The following BABAM2 variants were observed in gnomAD, a reference collection of about 807,000 sequenced individuals.
BABAM2 encodes BRISC and BRCA1 A complex member 2.
A neutral mutation model predicts 54.7 loss-of-function variants in BABAM2; 31 were observed. That is an observed-to-expected ratio of 0.57 (90% confidence interval 0.43 to 0.77). The LOEUF is 0.77. Ranked by LOEUF, BABAM2 falls within the 30% of genes least tolerant of loss-of-function variation. The pLI is 0.00. For synonymous variants in BABAM2, 167 were observed against 162.9 expected (o/e 1.03, Z -0.19); for missense variants, 364 against 455.8 (o/e 0.80, Z 1.83).
chr2:27,889,320 T>C (rs1664647356), upstream of BABAM2, among the ~76,000 whole-genome samples: 1 of 152,334 alleles, frequency 6.6e-6, no homozygotes, highest in South Asian at 2.1e-4. Context: ...TATTACCCTT[T>C]GGAAAAGCAA....
intron 7 of BABAM2, among the ~76,000 whole-genome samples, chr2:28,210,758 G>C (rs1679372543): frequency 1.3e-5 from 2 of 152,192 alleles, no homozygotes; most frequent in Non-Finnish European, 2.9e-5. Context: ...CAGTAGCAAA[G>C]CTGTCATGAA....
At chr2:28,040,425 A>C (rs1333773065) in intron 5 of BABAM2, among the ~76,000 whole-genome samples, 8 of 147,338 alleles carry the variant, frequency 5.4e-5, no homozygotes, top group South Asian at 2.2e-4. Flanking sequence ...CTCAGCCTCC[A>C]GAGTAGCTGG....
intron 7 of BABAM2, among the ~76,000 whole-genome samples, chr2:28,133,213 A>T (rs1379986198): frequency 6.6e-6 from 1 of 152,264 alleles, no homozygotes. Flanking sequence ...AGAGCATAGA[A>T]CAGACATGCC....
Position 27,973,306 on chromosome 2 carries a change from C to G in BABAM2, c.206-14687C>G, listed in dbSNP as rs78715266. ...TTGTTTATCTTTTCTTTCCATATCT[C>G]CTGGTTTGGATCCTAGGACATCCTG... On this transcript the variant is annotated intron_variant, in intron 3 of 11. Transcript: ENST00000379624. Among the ~76,000 whole-genome samples, 149 of 152,128 alleles carry G rather than the reference C, an allele frequency of 9.8e-4. 3 individuals carry two copies. The East Asian group carries it at 0.023, about 23-fold the overall frequency.
chr2:28,024,665 G>A (rs1675521839), intron 4 of BABAM2, among the ~76,000 whole-genome samples: 1 of 152,060 alleles, frequency 6.6e-6, no homozygotes, highest in African/African-American at 2.4e-5. Flanking sequence ...ATTCAGATTT[G>A]CGCATTTGGC....
intron 7 of BABAM2, among the ~76,000 whole-genome samples, chr2:28,183,982 T>C (rs1361407921): frequency 2.0e-5 from 3 of 152,198 alleles, no homozygotes; most frequent in African/African-American, 4.8e-5. Flanking sequence ...TTCTTCATGC[T>C]TGTATTCACA....
intron 10 of BABAM2, among the ~76,000 whole-genome samples, chr2:28,258,605 T>TTTTTC (rs796967728): frequency 9.7e-5 from 11 of 113,044 alleles, no homozygotes; most frequent in African/African-American, 2.0e-4. Flanking sequence ...GTCTTTTTCT[T>TTTTTC]TTTTCTTTTC....
intron 3 of BABAM2, among the ~76,000 whole-genome samples, chr2:27,957,908 C>A (rs935281648): frequency 6.6e-6 from 1 of 152,184 alleles, no homozygotes; most frequent in Non-Finnish European, 1.5e-5. Context: ...TGCACCACTG[C>A]ATAAGAAGTC....
At chr2:28,203,061 A>C (rs1678453341) in intron 7 of BABAM2, among the ~76,000 whole-genome samples, 1 of 152,120 alleles carries the variant, frequency 6.6e-6, no homozygotes, top group Non-Finnish European at 1.5e-5. Flanking sequence ...GACGTACTGG[A>C]ATTAAGAAAG....
rs1334510509 is a variant in BABAM2, at chr2:27,909,712, A to G, written c.128+15028A>G. ...TGAGCCAGACCTTTGTATCACTAGT[A>G]TCTCCTTCTGTGGCAAAGGACACCC... On this transcript the variant is annotated intron_variant, in intron 2 of 11. Coordinates refer to ENST00000379624, the MANE Select transcript of BABAM2 (RefSeq NM_199191.3). Among the ~76,000 whole-genome samples, 3 of 152,296 alleles carry G rather than the reference A, an allele frequency of 2.0e-5. No individual in the cohort carries two copies. In the East Asian group the frequency reaches 5.8e-4, roughly 29 times the overall value.
intron 10 of BABAM2, among the ~76,000 whole-genome samples, chr2:28,245,223 A>G (rs1682809887): frequency 6.6e-6 from 1 of 152,162 alleles, no homozygotes; most frequent in Non-Finnish European, 1.5e-5. Context: ...ATTGAATGCA[A>G]AATCTCAGTA....
chr2:28,312,996 T>A (rs1341316967), intron 11 of BABAM2, among the ~76,000 whole-genome samples: 4 of 152,160 alleles, frequency 2.6e-5, no homozygotes, highest in African/African-American at 7.2e-5. Flanking sequence ...CTCCTACGTT[T>A]CCCCTCTTTC....
chr2:28,040,294 C>T (rs185457574), intron 5 of BABAM2, among the ~76,000 whole-genome samples: 572 of 59,440 alleles, frequency 9.6e-3, no homozygotes, highest in South Asian at 0.025. Flanking sequence ...AAACTGAATT[C>T]TTTTTTTTTT....
rs374215052 is a variant in BABAM2 at position 28,253,401 on chromosome 2, C to CAA, written c.934+8553_934+8554dup. 2.9e-3 allele frequency among the ~76,000 whole-genome samples: 375 copies of CAA among 128,810 alleles called. 1 individual carries two copies. The highest frequency in any genetic ancestry group is 5.3e-3 in the Admixed American group (66 of 12,380). 84.5% of individuals were successfully genotyped at this position (128,810 alleles called of 152,430 possible). ...TGTGTGACAGAGCAAGACTTTGTCT[C>CAA]AAAAAAAAAAAAAAAGTATGGAGTG... On this transcript the variant is annotated intron_variant, in intron 10 of 11. Transcript: ENST00000379624.
In BABAM2 at chr2:27,929,575, T is replaced by C. The variant is rs562636886; in HGVS notation, c.129-257T>C. On this transcript the variant is annotated intron_variant, in intron 2 of 11. Coordinates refer to ENST00000379624, the MANE Select transcript of BABAM2 (RefSeq NM_199191.3). Reference sequence around the variant, plus strand: ...TCGAGATATGCCTCTTTGAGAAAAGTAGTTGAAGCACACTGTTGATGTTTG... The same window carrying C: ...TCGAGATATGCCTCTTTGAGAAAAGCAGTTGAAGCACACTGTTGATGTTTG... Among the ~76,000 whole-genome samples, 13 of 152,342 alleles carry C rather than the reference T, an allele frequency of 8.5e-5. No individual in the cohort carries two copies. The South Asian group carries it at 2.5e-3, about 29-fold the overall frequency.
chr2:27,940,492 A>G (rs559898051), intron 3 of BABAM2, among the ~76,000 whole-genome samples: 12 of 152,340 alleles, frequency 7.9e-5, no homozygotes, highest in African/African-American at 2.9e-4. Context: ...TCTGACAACA[A>G]TGAGGTTTGA....
chr2:27,950,980 T>C (rs1206691586), intron 3 of BABAM2, among the ~76,000 whole-genome samples: 1 of 152,168 alleles, frequency 6.6e-6, no homozygotes, highest in Non-Finnish European at 1.5e-5. Context: ...ATGTGTAAAA[T>C]TTGTAGTGAT....
At chr2:28,291,601 A>G (rs1177171750) in intron 10 of BABAM2, among the ~76,000 whole-genome samples, 1 of 152,184 alleles carries the variant, frequency 6.6e-6, no homozygotes, top group Non-Finnish European at 1.5e-5. Flanking sequence ...TCTCCAAAAA[A>G]AAAAAATAAA....
intron 7 of BABAM2, among the ~76,000 whole-genome samples, chr2:28,210,320 A>C (rs959553695): frequency 2.0e-5 from 3 of 152,250 alleles, no homozygotes; most frequent in African/African-American, 7.2e-5. Flanking sequence ...TGAGCTGCTC[A>C]CAATCTAGGG....
Sources: gnomAD v4.1 joint callset for allele counts (sites outside exome capture counted in the v4.1 genomes callset) on GRCh38, gnomAD v4.1.1 for gene constraint, MANE v1.5 for transcripts, NCBI Gene and HGNC (gene_info 2026-07-23, HGNC 2026-07-21) for gene names.